The following CRPPA variants were observed in gnomAD, a reference collection of about 807,000 sequenced individuals.
CRPPA encodes the protein CDP-L-ribitol pyrophosphorylase A.
Under a neutral mutation model 52.0 loss-of-function variants are expected in CRPPA, and 43 were observed. The observed-to-expected ratio is 0.83, with a 90% confidence interval of 0.65 to 1.07. The LOEUF is 1.07. CRPPA is among the 50% of genes least tolerant of loss of function. CRPPA has a pLI of 0.00. For synonymous variants in CRPPA, 250 were observed against 203.5 expected (o/e 1.23, Z -1.94); for missense variants, 629 against 551.7 (o/e 1.14, Z -1.40).
rs1784434069 is a variant in CRPPA at position 16,286,067 on chromosome 7, ATAT to A, written c.836-7844_836-7842del. 6.5e-4 allele frequency among the ~76,000 whole-genome samples: 21 copies of A among 32,226 alleles called. 2 individuals carry two copies. The highest frequency in any genetic ancestry group is 1.0e-3 in the African/African-American group (6 of 5,790). 21.1% of individuals were successfully genotyped at this position (32,226 alleles called of 152,430 possible). On this transcript the variant is annotated intron_variant, in intron 5 of 9. Coordinates refer to ENST00000407010, the MANE Select transcript of CRPPA (RefSeq NM_001101426.4). ...TAAATATATATATATATATATATAT[ATAT>A]ATATATATATAATATTTAAAAAAAA...
At chr7:16,314,610 A>C (rs1785104218) in intron 3 of CRPPA, among the ~76,000 whole-genome samples, 1 of 152,070 alleles carries the variant, frequency 6.6e-6, no homozygotes, top group Admixed American at 6.6e-5. Context: ...ACTGGCAAAA[A>C]ATTTCCATTT....
chr7:16,168,032 C>T (rs1781103151), intron 9 of CRPPA, among the ~76,000 whole-genome samples: 1 of 152,204 alleles, frequency 6.6e-6, no homozygotes, highest in Non-Finnish European at 1.5e-5. Context: ...TTACTTTTAG[C>T]CTAAATCCTG....
Position 16,406,060 on chromosome 7 carries a change from C to T in CRPPA, c.534+1G>A. On this transcript the variant is annotated splice_donor_variant, in intron 2 of 9. Transcript: ENST00000407010. LOFTEE classifies it high-confidence loss of function. ...ATCTAGACTCAAGAAAAAAGACTTACCCCGTGTTCCTTAGCAGCTGTGACA... is the reference window on the plus strand; with the variant it reads ...ATCTAGACTCAAGAAAAAAGACTTATCCCGTGTTCCTTAGCAGCTGTGACA... 1 of 1,612,230 alleles carries T rather than the reference C, an allele frequency of 6.2e-7. No individual in the cohort carries two copies. The highest frequency in any genetic ancestry group is 8.5e-7 in the Non-Finnish European group (1 of 1,178,748).
intron 3 of CRPPA, among the ~76,000 whole-genome samples, chr7:16,323,276 C>G (rs1283324783): frequency 6.6e-6 from 1 of 152,152 alleles, no homozygotes; most frequent in Admixed American, 6.5e-5. Flanking sequence ...TGACCTAACT[C>G]TATACACTTG....
chr7:16,258,416 T>G lies in CRPPA; in HGVS notation c.1093A>C (p.Ile365Leu), dbSNP rs985116595. Residue 365 changes from isoleucine (I) to leucine (L), a missense_variant, in exon 8 of 10, where the codon ATT (isoleucine) becomes CTT (leucine). By Grantham distance (5) the Ile-to-Leu change is conservative (BLOSUM62 2). Transcript: ENST00000407010. ...GAAACAACAACAACAGGATATAAAA[T>G]GCAAAGACTACTCTCTTCAAGCATG... is the stretch of plus-strand genomic sequence containing the variant. ...LSMLEESSLC[I>L]LYPVVVVSVH... 6.2e-7 allele frequency: 1 copy of G among 1,605,840 alleles called. No individual in the cohort carries two copies. Among genetic ancestry groups the G allele is most frequent in the Non-Finnish European group, 8.5e-7 (1 of 1,175,940 alleles).
At chr7:16,346,344 T>C (rs976976389) in intron 3 of CRPPA, among the ~76,000 whole-genome samples, 3 of 152,112 alleles carry the variant, frequency 2.0e-5, no homozygotes, top group Non-Finnish European at 4.4e-5. Context: ...AAAGGCTCCA[T>C]AAGAAGTTTA....
At chr7:16,351,076 T>C (rs898654455) in intron 3 of CRPPA, among the ~76,000 whole-genome samples, 5 of 152,046 alleles carry the variant, frequency 3.3e-5, no homozygotes, top group Non-Finnish European at 7.4e-5. Context: ...AGGCACCCAA[T>C]ATCAGAGCAT....
At chr7:16,228,065 T>C (rs1782696816) in intron 8 of CRPPA, among the ~76,000 whole-genome samples, 1 of 151,952 alleles carries the variant, frequency 6.6e-6, no homozygotes, top group South Asian at 2.1e-4. Context: ...ATGGGATTTA[T>C]GGGCATTCTA....
At chr7:16,181,587 T>C (rs537188570) in intron 9 of CRPPA, among the ~76,000 whole-genome samples, 2 of 152,168 alleles carry the variant, frequency 1.3e-5, no homozygotes, top group African/African-American at 2.4e-5. Context: ...TGAAATTGAT[T>C]ATTTTCATTG....
At chr7:16,214,001 G>A (rs953465072) in intron 9 of CRPPA, among the ~76,000 whole-genome samples, 1 of 152,042 alleles carries the variant, frequency 6.6e-6, no homozygotes, top group Non-Finnish European at 1.5e-5. Context: ...ACTGAGCATT[G>A]GATAAAGTCA....
Position 16,292,357 on chromosome 7 carries a change from C to T in CRPPA, c.835+9064G>A, listed in dbSNP as rs563258148. Among the ~76,000 whole-genome samples the T allele has an allele frequency of 2.6e-5, 4 of 152,022 alleles. No individual in the cohort carries two copies. In the East Asian group the frequency reaches 7.7e-4, roughly 29 times the overall value. On this transcript the variant is annotated intron_variant, in intron 5 of 9. Coordinates refer to ENST00000407010, the MANE Select transcript of CRPPA (RefSeq NM_001101426.4). ...TCCTTTTGTGCAGGACTCTTCAATG[C>T]TATAGCTATGTACTATTAGGTCCAA... is the stretch of plus-strand genomic sequence containing the variant.
Position 16,151,792 on chromosome 7 carries a change from C to T in CRPPA, c.1252-59993G>A, listed in dbSNP as rs913502585. Reference sequence around the variant, plus strand: ...AGACTCTATTTTAAGAAAAGTATAACATAAAACATTTTCAACGTAATTTTT... The same window carrying T: ...AGACTCTATTTTAAGAAAAGTATAATATAAAACATTTTCAACGTAATTTTT... On this transcript the variant is annotated intron_variant, in intron 9 of 9. Coordinates refer to ENST00000407010, the MANE Select transcript of CRPPA (RefSeq NM_001101426.4). Among the ~76,000 whole-genome samples, 7 of 151,874 alleles carry T rather than the reference C, an allele frequency of 4.6e-5. No homozygotes were observed. In the East Asian group the frequency reaches 1.4e-3, roughly 29 times the overall value.
chr7:16,278,423 T>C (rs1027228942), intron 5 of CRPPA, among the ~76,000 whole-genome samples, 197 bp from the exon 6 acceptor site: 1 of 152,176 alleles, frequency 6.6e-6, no homozygotes, highest in African/African-American at 2.4e-5. Flanking sequence ...CATAAACCTA[T>C]CCATTGAACA....
intron 6 of CRPPA, among the ~76,000 whole-genome samples, chr7:16,266,911 G>T (rs1165123023): frequency 1.3e-5 from 2 of 152,140 alleles, no homozygotes; most frequent in African/African-American, 4.8e-5. Flanking sequence ...TGTAGTAGAT[G>T]GGAAACGACT....
chr7:16,228,095 G>A (rs759892259), intron 8 of CRPPA, among the ~76,000 whole-genome samples: 1 of 151,806 alleles, frequency 6.6e-6, no homozygotes, highest in Middle Eastern at 3.2e-3. Flanking sequence ...ATTTGTCTAT[G>A]TGTATTTATA....
intron 9 of CRPPA, among the ~76,000 whole-genome samples, chr7:16,189,731 A>G (rs1351821772): frequency 6.6e-6 from 1 of 152,198 alleles, no homozygotes; most frequent in Non-Finnish European, 1.5e-5. Context: ...GTATTAAGAA[A>G]TGAGTTAGAG....
chr7:16,129,465 A>G (rs1401585233), intron 9 of CRPPA, among the ~76,000 whole-genome samples: 3 of 152,064 alleles, frequency 2.0e-5, no homozygotes, highest in Non-Finnish European at 4.4e-5. Context: ...AAATCCATCC[A>G]TCTTAGGCTC....
intron 5 of CRPPA, among the ~76,000 whole-genome samples, chr7:16,291,552 A>G (rs1380695236): frequency 6.6e-6 from 1 of 151,996 alleles, no homozygotes; most frequent in Non-Finnish European, 1.5e-5. Flanking sequence ...TCTTAAAGAT[A>G]AAGAAGAGAA....
At position 16,164,530 on chromosome 7, in the gene CRPPA, C is replaced by T. The variant is rs1036943017; in HGVS notation, c.1251+51536G>A. Among the ~76,000 whole-genome samples, 4 of 152,176 alleles carry T rather than the reference C, an allele frequency of 2.6e-5. 1 individual carries two copies. The highest frequency in any genetic ancestry group is 9.7e-5 in the African/African-American group (4 of 41,448). On this transcript the variant is annotated intron_variant, in intron 9 of 9. Coordinates refer to ENST00000407010, the MANE Select transcript of CRPPA (RefSeq NM_001101426.4). ...CTGTCAGTTCATCAAACTCATTCTC[C>T]GTCCAGTTTTGTTCCCTTGCTGGCG...
Sources: gnomAD v4.1 joint callset for allele counts (sites outside exome capture counted in the v4.1 genomes callset) on GRCh38, gnomAD v4.1.1 for gene constraint, MANE v1.5 for transcripts, NCBI Gene and HGNC (gene_info 2026-07-23, HGNC 2026-07-21) for gene names.